TTC7A: variants seen among roughly 807,000 people sequenced by gnomAD.
TTC7A encodes the protein tetratricopeptide repeat domain 7A.
A neutral mutation model predicts 103.7 loss-of-function variants in TTC7A; 110 were observed. The ratio of observed to expected loss-of-function variants is 1.06; its 90% CI spans 0.91 to 1.24. TTC7A has a LOEUF of 1.24. TTC7A is among the 50% of genes most tolerant of loss of function. The probability of loss-of-function intolerance (pLI) is 0.00; values close to 1 mark genes in which losing one functional copy is unlikely to be tolerated. For synonymous variants in TTC7A, 521 were observed against 467.9 expected, an observed-to-expected ratio of 1.11 and a Z score of -1.47; for missense variants, 1,340 against 1,116.3, an observed-to-expected ratio of 1.20 and a Z score of -2.86.
chr2:46,959,146 G>C (rs1380935961), intron 3 of TTC7A, among the ~76,000 whole-genome samples: 1 of 152,218 alleles, frequency 6.6e-6, no homozygotes, highest in Non-Finnish European at 1.5e-5. Context: ...TAGGATGAAA[G>C]GAATCAAGTG....
At position 46,972,699 on chromosome 2, in the gene TTC7A, C is replaced by T. The variant is rs1673479199; in HGVS notation, c.518-2274C>T. Reference sequence around the variant, plus strand: ...TGGGAAAGTGGGTGTCCCCTGCAGGCAGAGACCTGAGCATGGGTAACTTCT... The same window carrying T: ...TGGGAAAGTGGGTGTCCCCTGCAGGTAGAGACCTGAGCATGGGTAACTTCT... On this transcript the variant is annotated intron_variant, in intron 3 of 19. Coordinates refer to ENST00000319190, the MANE Select transcript of TTC7A (RefSeq NM_020458.4). Among the ~76,000 whole-genome samples the T allele has an allele frequency of 3.3e-5, 5 of 152,220 alleles. No individual in the cohort carries two copies. In the South Asian group the frequency reaches 8.3e-4, roughly 25 times the overall value.
intron 2 of TTC7A, among the ~76,000 whole-genome samples, chr2:46,935,067 G>A (rs1397808926): frequency 6.6e-6 from 1 of 152,020 alleles, no homozygotes; most frequent in Non-Finnish European, 1.5e-5. Flanking sequence ...CCAAAGTGTG[G>A]GGATTACAGG....
chr2:47,004,394 C>T (rs1444428148), intron 8 of TTC7A, among the ~76,000 whole-genome samples: 2 of 152,202 alleles, frequency 1.3e-5, no homozygotes, highest in African/African-American at 2.4e-5. Flanking sequence ...GCTTGGGCTT[C>T]TGCCTCCAGC....
intron 14 of TTC7A, among the ~76,000 whole-genome samples, chr2:47,027,992 A>T (rs1251994663): frequency 6.6e-6 from 1 of 151,978 alleles, no homozygotes; most frequent in Non-Finnish European, 1.5e-5. Flanking sequence ...TGGGGTGGGG[A>T]GCTTTTTCTC....
Position 47,029,346 on chromosome 2 carries a change from T to C in TTC7A, c.1764T>C (p.Val588=). 1.2e-6 allele frequency: 2 copies of C among 1,614,008 alleles called. No individual in the cohort carries two copies. Among genetic ancestry groups the C allele is most frequent in the Non-Finnish European group, 1.7e-6 (2 of 1,180,018 alleles). Residue 588 remains valine, a synonymous_variant, in exon 15 of 20, where the codon GTT becomes GTC. Coordinates refer to ENST00000319190, the MANE Select transcript of TTC7A (RefSeq NM_020458.4). ...AQKHHQHALD[V]VNMAITEHPE... ...AGCACCACCAGCATGCCCTGGATGT[T>C]GTCAACATGGCCATCACCGAGCACC...
rs1684188969 is a variant in TTC7A at position 47,066,471 on chromosome 2, A to C, written c.2355+5500A>C. 3.3e-5 allele frequency among the ~76,000 whole-genome samples: 5 copies of C among 151,576 alleles called. No homozygotes were observed. The South Asian group carries it at 1.0e-3, about 32-fold the overall frequency. On this transcript the variant is annotated intron_variant, in intron 19 of 19. Coordinates refer to ENST00000319190, the MANE Select transcript of TTC7A (RefSeq NM_020458.4). ...TAGGTGCTCTGGGACTCTAACAAGA[A>C]GGCTCTGGTCTCTAAGGCCAAAAGG...
chr2:47,068,862 CAAAAAAAAA>C (rs201835431), intron 19 of TTC7A, among the ~76,000 whole-genome samples: 5 of 69,802 alleles, frequency 7.2e-5, no homozygotes, highest in South Asian at 4.1e-4. Flanking sequence ...TCAATTTTTT[CAAAAAAAAA>C]AAAAAAAAAA....
At chr2:46,975,195 AATTAGAAGAAGTCACC>A in intron 4 of TTC7A, 92 bp downstream of exon 4, 1 of 1,528,730 alleles carries the variant, frequency 6.5e-7, no homozygotes, top group South Asian at 1.2e-5. Flanking sequence ...CCTGTGTGCT[AATTAGAAGAAGTCACC>A]TTCTCTGTCC....
At chr2:47,066,986 C>T (rs1379976538) in intron 19 of TTC7A, among the ~76,000 whole-genome samples, 1 of 152,218 alleles carries the variant, frequency 6.6e-6, no homozygotes, top group East Asian at 1.9e-4. Context: ...TGCCTCATCC[C>T]ATGGCGGAAG....
rs113327144 is a variant in TTC7A at position 47,024,295 on chromosome 2, A to G, written c.1577A>G (p.Gln526Arg). ...TCCCTCTCCCCACACAGGGCTCAGC[A>G]GCTGGCGCCCAGTGACCCCCAGGTC... ...KALQTLERAQ[Q>R]LAPSDPQVIL... The change falls in exon 14 of 20, where the codon CAG becomes CGG. Residue 526 changes from glutamine (Q) to arginine (R), a missense_variant. By Grantham distance (43) the Gln-to-Arg change is conservative (BLOSUM62 1). Transcript: ENST00000319190. 1.8e-5 allele frequency: 29 copies of G among 1,606,364 alleles called. 1 individual carries two copies. In the African/African-American group the frequency reaches 2.0e-4, roughly 11 times the overall value.
chr2:46,951,569 TTCTGTCTTTCTG>T (rs980653779), intron 2 of TTC7A: 5 of 455,254 alleles, frequency 1.1e-5, no homozygotes, highest in African/African-American at 6.0e-5. Context: ...CTCTCTTTCT[TTCTGTCTTTCTG>T]TCTGTCTTTA....
intron 2 of TTC7A, among the ~76,000 whole-genome samples, chr2:46,933,566 G>C (rs1290681911): frequency 1.3e-5 from 2 of 152,186 alleles, no homozygotes; most frequent in African/African-American, 4.8e-5. Context: ...TGGGAGGGCT[G>C]GTTCAGTATT....
intron 1 of TTC7A, among the ~76,000 whole-genome samples, chr2:46,947,981 T>C (rs1366010868): frequency 6.6e-6 from 1 of 152,166 alleles, no homozygotes; most frequent in Admixed American, 6.5e-5. Context: ...AGGGGCGTGC[T>C]CTGGGGAGGA....
chr2:47,010,769 G>T (rs1264817471), intron 10 of TTC7A, among the ~76,000 whole-genome samples: 1 of 152,104 alleles, frequency 6.6e-6, no homozygotes, highest in Non-Finnish European at 1.5e-5. Context: ...GCACAATCTC[G>T]GCTCACTGCA....
At chr2:46,959,898 C>T (rs916454928) in intron 3 of TTC7A, among the ~76,000 whole-genome samples, 1 of 152,226 alleles carries the variant, frequency 6.6e-6, no homozygotes, top group East Asian at 1.9e-4. Flanking sequence ...ATAACCTCCA[C>T]CTCCTCTGAG....
At chr2:46,943,845 T>G (rs1558492224) in intron 1 of TTC7A, among the ~76,000 whole-genome samples, 1 of 152,204 alleles carries the variant, frequency 6.6e-6, no homozygotes. Flanking sequence ...CCCATTTTAC[T>G]GAGGCCTTGA....
chr2:47,020,331 T>A (rs1159853338), intron 11 of TTC7A, among the ~76,000 whole-genome samples: 1 of 152,126 alleles, frequency 6.6e-6, no homozygotes, highest in Non-Finnish European at 1.5e-5. Context: ...CCCTCCTGAG[T>A]CCTGCTGCCA....
At chr2:46,958,506 C>G (rs1355086219) in intron 3 of TTC7A, 21 of 1,304,234 alleles carry the variant, frequency 1.6e-5, no homozygotes, top group Non-Finnish European at 2.0e-5. Flanking sequence ...ATGCCTCCGG[C>G]TTCTTGGGGG....
chr2:46,924,296 C>G (rs1354475179), intron 2 of TTC7A, among the ~76,000 whole-genome samples: 1 of 151,820 alleles, frequency 6.6e-6, no homozygotes, highest in Non-Finnish European at 1.5e-5. Context: ...CCCAGGGAAG[C>G]CTTGGTATCA....
Sources: gnomAD v4.1 joint callset for allele counts (sites outside exome capture counted in the v4.1 genomes callset) on GRCh38, gnomAD v4.1.1 for gene constraint, MANE v1.5 for transcripts, NCBI Gene and HGNC (gene_info 2026-07-23, HGNC 2026-07-21) for gene names.